HMGCLL1: variants seen among roughly 807,000 people sequenced by gnomAD.
HMGCLL1 encodes 3-hydroxy-3-methylglutaryl-CoA lyase like 1, also known as 3-hydroxymethyl-3-methylglutaryl-CoA lyase, cytoplasmic.
Under a neutral mutation model 39.1 loss-of-function variants are expected in HMGCLL1, and 36 were observed. The observed-to-expected ratio is 0.92, with a 90% CI of 0.71 to 1.22. The LOEUF (loss-of-function observed/expected upper bound fraction) is 1.22, where lower values mean the gene tolerates loss of function less well. Ranked by LOEUF, HMGCLL1 falls within the 50% of genes most tolerant of loss-of-function variation. The pLI, the probability that HMGCLL1 is intolerant of heterozygous loss-of-function variation, is 0.00. For missense variants in HMGCLL1, 451 were observed against 416.5 expected (o/e 1.08, Z -0.72); for synonymous variants, 149 against 144.0 (o/e 1.03, Z -0.25).
intron 3 of HMGCLL1, 65 bp from the exon 4 acceptor site, chr6:55,516,668 T>A (rs1767757679): frequency 1.8e-6 from 2 of 1,107,986 alleles, no homozygotes; most frequent in Non-Finnish European, 2.7e-6. Context: ...ATCATTTTAG[T>A]TTCAGGTAGG....
chr6:55,453,688 T>C (rs1764199034), intron 7 of HMGCLL1, among the ~76,000 whole-genome samples: 1 of 152,200 alleles, frequency 6.6e-6, no homozygotes, highest in South Asian at 2.1e-4. Flanking sequence ...CTGAGAAATA[T>C]GTAAGTAGAA....
At chr6:55,657,608 G>A in the HMGCLL1 span, among the ~76,000 whole-genome samples, 1 of 151,580 alleles carries the variant, frequency 6.6e-6, no homozygotes, top group South Asian at 2.1e-4. Flanking sequence ...ATAGTTTGAA[G>A]TCATGTTCAT....
At chr6:55,525,123 G>A (rs1320463370) in intron 3 of HMGCLL1, among the ~76,000 whole-genome samples, 2 of 151,660 alleles carry the variant, frequency 1.3e-5, no homozygotes, top group African/African-American at 4.8e-5. Flanking sequence ...GCCACTGTTA[G>A]CATAAATCTT....
At chr6:55,493,486 C>T (rs1766414030) in intron 7 of HMGCLL1, among the ~76,000 whole-genome samples, 1 of 152,012 alleles carries the variant, frequency 6.6e-6, no homozygotes, top group African/African-American at 2.4e-5. Flanking sequence ...AATTTCAGTC[C>T]GAATCTCTCA....
the HMGCLL1 span, among the ~76,000 whole-genome samples, chr6:55,646,209 C>CT: frequency 6.6e-6 from 1 of 151,806 alleles, no homozygotes; most frequent in Admixed American, 6.6e-5. Context: ...CACTAATGAT[C>CT]TTTTTGATTT....
In HMGCLL1 at chr6:55,506,433, G is replaced by T. The variant is rs116640975; in HGVS notation, c.543-7134C>A. Among the ~76,000 whole-genome samples the T allele has an allele frequency of 1.6e-4, 25 of 151,706 alleles. 1 individual carries two copies. The highest frequency in any genetic ancestry group is 5.8e-4 in the African/African-American group (24 of 41,464). On this transcript the variant is annotated intron_variant, in intron 5 of 8. Transcript: ENST00000274901. ...AAGTGTTAAGAGTCCCATACTGGTA[G>T]AGTAGCCTTCCCTTATCTAAGGTTT...
At chr6:55,462,092 G>C (rs114464857) in intron 7 of HMGCLL1, among the ~76,000 whole-genome samples, 2,227 of 152,126 alleles carry the variant, frequency 0.015, 32 homozygotes, top group Non-Finnish European at 0.025. Context: ...GGGTTTTTGG[G>C]TAATTCTAAT....
intron 1 of HMGCLL1, among the ~76,000 whole-genome samples, chr6:55,570,161 A>G (rs4342412): frequency 0.44 from 66,453 of 152,008 alleles, 14,651 homozygotes; most frequent in East Asian, 0.55. Context: ...CCCAAGAATC[A>G]TCTACTCCTT....
At chr6:55,602,791 C>A in the HMGCLL1 span, among the ~76,000 whole-genome samples, 1 of 151,906 alleles carries the variant, frequency 6.6e-6, no homozygotes, top group Non-Finnish European at 1.5e-5. Flanking sequence ...CAGCTAATGT[C>A]TAAACTGCAT....
chr6:55,486,028 C>T (rs1292247845), intron 7 of HMGCLL1, among the ~76,000 whole-genome samples: 1 of 150,570 alleles, frequency 6.6e-6, no homozygotes, highest in East Asian at 2.0e-4. Context: ...AATTAACATA[C>T]ACATTTAACA....
In HMGCLL1 at chr6:55,477,807, T is replaced by C. The variant is rs574611721; in HGVS notation, c.795+17612A>G. On this transcript the variant is annotated intron_variant, in intron 7 of 8. Transcript: ENST00000274901. The stretch of plus-strand genomic sequence containing the variant: ...TTACATTTTTATACATTAGTAAATT[T>C]GGTTTACTGTTTTGTTTAGAATTTG... Among the ~76,000 whole-genome samples, 94 of 150,724 alleles carry C rather than the reference T, an allele frequency of 6.2e-4. 6 individuals are homozygous for C. Among genetic ancestry groups the C allele is most frequent in the African/African-American group, 2.1e-3 (87 of 40,794 alleles).
chr6:55,514,944 G>A (rs898428549), intron 4 of HMGCLL1, among the ~76,000 whole-genome samples: 1 of 151,992 alleles, frequency 6.6e-6, no homozygotes, highest in Non-Finnish European at 1.5e-5. Context: ...CTCCCCTCTT[G>A]CTAATCCCCC....
At chr6:55,585,610 A>T in the HMGCLL1 span, among the ~76,000 whole-genome samples, 1 of 152,090 alleles carries the variant, frequency 6.6e-6, no homozygotes, top group Admixed American at 6.6e-5. Context: ...ATCAATTATA[A>T]TTATAAAGCA....
chr6:55,509,464 A>AT (rs1287326207), intron 5 of HMGCLL1, among the ~76,000 whole-genome samples: 2 of 151,902 alleles, frequency 1.3e-5, no homozygotes, highest in Non-Finnish European at 2.9e-5. Context: ...CCATACTGAG[A>AT]TTCTACATTA....
the HMGCLL1 span, among the ~76,000 whole-genome samples, chr6:55,641,473 T>TGC: frequency 1.3e-5 from 2 of 152,008 alleles, no homozygotes; most frequent in African/African-American, 2.4e-5. Context: ...CGTGTGTGTG[T>TGC]GCCTGTGTGT....
chr6:55,641,831 T>G, the HMGCLL1 span, among the ~76,000 whole-genome samples: 1 of 151,224 alleles, frequency 6.6e-6, no homozygotes. Context: ...TTTATAAAGG[T>G]ATTTCACATT....
At chr6:55,446,214 T>C (rs1385503943) in intron 7 of HMGCLL1, among the ~76,000 whole-genome samples, 2 of 150,006 alleles carry the variant, frequency 1.3e-5, no homozygotes, top group Non-Finnish European at 3.0e-5. Flanking sequence ...GAACCAATGT[T>C]TTCTAAATTA....
intron 3 of HMGCLL1, 55 bp downstream of exon 3, chr6:55,541,674 T>C (rs1386486147): frequency 1.4e-5 from 12 of 854,662 alleles, no homozygotes; most frequent in Non-Finnish European, 2.1e-5. Flanking sequence ...ATTTACCAAA[T>C]ATTTTTTGGT....
chr6:55,584,505 G>A, the HMGCLL1 span, among the ~76,000 whole-genome samples: 1 of 152,006 alleles, frequency 6.6e-6, no homozygotes, highest in Non-Finnish European at 1.5e-5. Context: ...TAAATTACAG[G>A]GTTGTTGGCA....
Sources: allele counts gnomAD v4.1 joint callset (sites outside exome capture counted in the v4.1 genomes callset), GRCh38; gene constraint gnomAD v4.1.1; transcripts MANE v1.5; gene names NCBI Gene and HGNC (gene_info 2026-07-23, HGNC 2026-07-21).